VRTN: variants seen among roughly 807,000 people sequenced by gnomAD.
The protein encoded by VRTN is vertebrae development associated, also known as vertnin.
VRTN carries 5 observed loss-of-function variants against 18.2 expected under a neutral mutation model. That is an observed-to-expected ratio of 0.27 (90% CI 0.14 to 0.58). The LOEUF is 0.58. Among genes scored for constraint, VRTN ranks in the 20% least tolerant of loss-of-function variants. VRTN has a pLI of 0.91. For missense variants in VRTN, 741 were observed against 939.4 expected, an observed-to-expected ratio of 0.79 and a Z score of 2.76; for synonymous variants, 381 against 393.7, an observed-to-expected ratio of 0.97 and a Z score of 0.38.
Position 74,358,428 on chromosome 14 carries a change from C to T in VRTN, c.1645C>T (p.Arg549Trp), listed in dbSNP as rs201230130. 4.3e-5 allele frequency: 70 copies of T among 1,614,182 alleles called. No individual in the cohort carries two copies. The highest frequency in any genetic ancestry group is 5.3e-5 in the Non-Finnish European group (63 of 1,180,038). Residue 549 changes from arginine (R) to tryptophan (W), a missense_variant, in exon 2 of 2, where the codon CGG (arginine) becomes TGG (tryptophan). By Grantham distance (101) the Arg-to-Trp change is moderately radical. Transcript: ENST00000256362. The surrounding 1 kb of genome is among the most constrained non-coding windows in gnomAD (Gnocchi z 5.4). ...CTTTTGGGTCTGGAAGAGTCTTGCTCGGGGTTGGCCCAGAGGCCTGTCCAA... is the reference window on the plus strand; with the variant it reads ...CTTTTGGGTCTGGAAGAGTCTTGCTTGGGGTTGGCCCAGAGGCCTGTCCAA... Reference protein sequence around the residue: ...SAFWVWKSLARGWPRGLSKLQ... With the variant: ...SAFWVWKSLAWGWPRGLSKLQ...
intron 1 of VRTN, among the ~76,000 whole-genome samples, chr14:74,334,841 C>T (rs146094811): frequency 1.4e-3 from 217 of 152,258 alleles, no homozygotes; most frequent in African/African-American, 4.8e-3. Flanking sequence ...CTCCTTGGTA[C>T]GGAGGGTGGG....
intron 1 of VRTN, among the ~76,000 whole-genome samples, chr14:74,356,407 C>G (rs527930285): frequency 1.3e-5 from 2 of 152,290 alleles, no homozygotes; most frequent in Admixed American, 6.5e-5. Context: ...TGGTCTCGAA[C>G]TCCTGCCCTC....
chr14:74,355,605 A>G (rs2140213898), intron 1 of VRTN, among the ~76,000 whole-genome samples: 1 of 151,980 alleles, frequency 6.6e-6, no homozygotes, highest in East Asian at 1.9e-4. Flanking sequence ...CATGATCTCT[A>G]CTCAGTGCGG....
At chr14:74,331,427 G>T (rs1390423919) in intron 1 of VRTN, among the ~76,000 whole-genome samples, 1 of 149,926 alleles carries the variant, frequency 6.7e-6, no homozygotes, top group African/African-American at 2.4e-5. Flanking sequence ...TACTCAGGAG[G>T]TTGAGGTAGG....
chr14:74,327,236 C>G (rs1191008362), intron 1 of VRTN, among the ~76,000 whole-genome samples: 1 of 152,118 alleles, frequency 6.6e-6, no homozygotes, highest in Non-Finnish European at 1.5e-5. Context: ...ATATGTGGAT[C>G]CAGAGGCTCA....
chr14:74,331,418 A>T (rs998180701), intron 1 of VRTN, among the ~76,000 whole-genome samples: 67 of 149,722 alleles, frequency 4.5e-4, no homozygotes, highest in Non-Finnish European at 8.2e-4. Context: ...AATTCCAGCT[A>T]CTCAGGAGGT....
chr14:74,305,186 G>A (rs748729729), intron 1 of VRTN, among the ~76,000 whole-genome samples: 11 of 152,130 alleles, frequency 7.2e-5, no homozygotes, highest in African/African-American at 2.7e-4. Flanking sequence ...ACAAAAATTA[G>A]CCAGGTGTGG....
upstream of VRTN, among the ~76,000 whole-genome samples, chr14:74,346,134 C>CTAT (rs1256521156): frequency 6.7e-6 from 1 of 150,154 alleles, no homozygotes; most frequent in African/African-American, 2.5e-5. Context: ...GACCCTGTTT[C>CTAT]TATTAAAAAA....
chr14:74,356,739 G>A, intron 1 of VRTN, 44 bp from the exon 2 acceptor site: 2 of 1,528,280 alleles, frequency 1.3e-6, no homozygotes, highest in Non-Finnish European at 1.8e-6. Context: ...CATCATCTGG[G>A]CACTTCGACC....
chr14:74,304,724 T>C (rs145799859), intron 1 of VRTN, among the ~76,000 whole-genome samples: 2 of 152,208 alleles, frequency 1.3e-5, no homozygotes, highest in African/African-American at 4.8e-5. Context: ...CCCCCTAGCA[T>C]TGAGAACCAC....
At chr14:74,320,455 G>A (rs1163416374) in intron 1 of VRTN, among the ~76,000 whole-genome samples, 1 of 149,214 alleles carries the variant, frequency 6.7e-6, no homozygotes, top group Non-Finnish European at 1.5e-5. Context: ...GTAGAGACGG[G>A]GTTTTACCAT....
At chr14:74,343,488 C>G (rs564174274), upstream of VRTN, among the ~76,000 whole-genome samples, 12 of 152,294 alleles carry the variant, frequency 7.9e-5, no homozygotes, top group East Asian at 2.3e-3. Flanking sequence ...ATTACACATA[C>G]AATTTGAAGG....
chr14:74,328,830 T>G (rs1446659459), intron 1 of VRTN, among the ~76,000 whole-genome samples: 1 of 151,772 alleles, frequency 6.6e-6, no homozygotes, highest in Admixed American at 6.6e-5. Flanking sequence ...AAACCTTGTC[T>G]CTACTAAAAA....
rs1173238398 is a variant in VRTN, at chr14:74,358,938, G to A, written c.*46G>A. ...TGGGAAGAAGGGGGACCAGTTTGGA[G>A]AGGGTCAGGGACCTGAGCTGACCCC... On this transcript the variant is annotated 3_prime_UTR_variant, in exon 2 of 2. Transcript: ENST00000256362. The surrounding 1 kb of genome is among the most constrained non-coding windows in gnomAD (Gnocchi z 5.4). The A allele has an allele frequency of 1.3e-6, 2 of 1,562,158 alleles. No homozygotes were observed. Among genetic ancestry groups the A allele is most frequent in the Non-Finnish European group, 1.7e-6 (2 of 1,153,978 alleles).
chr14:74,309,563 G>A (rs953050736), intron 1 of VRTN, among the ~76,000 whole-genome samples: 1 of 152,172 alleles, frequency 6.6e-6, no homozygotes, highest in Admixed American at 6.6e-5. Flanking sequence ...CACACAGTGA[G>A]GCTAGGGCTC....
At chr14:74,353,863 G>C (rs34610701) in intron 1 of VRTN, among the ~76,000 whole-genome samples, 2 of 151,904 alleles carry the variant, frequency 1.3e-5, no homozygotes, top group Non-Finnish European at 2.9e-5. Flanking sequence ...GCTGGGACTA[G>C]AGGCGCCCGC....
intron 1 of VRTN, among the ~76,000 whole-genome samples, chr14:74,309,987 C>G (rs751088219): frequency 1.3e-5 from 2 of 152,244 alleles, no homozygotes; most frequent in Non-Finnish European, 2.9e-5. Context: ...AAGGATGTTT[C>G]TACAGCATAG....
intron 1 of VRTN, among the ~76,000 whole-genome samples, chr14:74,312,161 C>G (rs1482604402): frequency 6.6e-6 from 1 of 152,226 alleles, no homozygotes; most frequent in East Asian, 1.9e-4. Context: ...CAGGGACTGT[C>G]TCTACAGAGG....
chr14:74,315,048 A>G (rs1178154631), intron 1 of VRTN, among the ~76,000 whole-genome samples: 1 of 152,074 alleles, frequency 6.6e-6, no homozygotes, highest in East Asian at 1.9e-4. Flanking sequence ...CTGCCTTGGG[A>G]GAGGAAGGGA....
Sources: gnomAD v4.1 joint callset for allele counts (sites outside exome capture counted in the v4.1 genomes callset) on GRCh38, gnomAD v4.1.1 for gene constraint, Gnocchi (gnomAD v3.1) non-coding constraint, MANE v1.5 for transcripts, NCBI Gene and HGNC (gene_info 2026-07-23, HGNC 2026-07-21) for gene names.